Variants in HDAC9 observed in about 807,000 individuals in gnomAD.
HDAC9 encodes histone deacetylase 9.
Under a neutral mutation model 139.4 loss-of-function variants are expected in HDAC9, and 41 were observed. That is an observed-to-expected ratio of 0.29 (90% CI 0.23 to 0.38). The LOEUF (loss-of-function observed/expected upper bound fraction) is 0.38. HDAC9 is among the 10% of genes least tolerant of loss of function. HDAC9 has a pLI of 1.00. For synonymous variants in HDAC9, 517 were observed against 476.2 expected (o/e 1.09, Z -1.12); for missense variants, 1,147 against 1,297.0 (o/e 0.88, Z 1.78).
chr7:18,570,902 T>C (rs548728328), intron 2 of HDAC9, among the ~76,000 whole-genome samples: 4 of 152,382 alleles, frequency 2.6e-5, no homozygotes, highest in Admixed American at 2.6e-4. Flanking sequence ...ATGCTGTTAC[T>C]CTTTGTGCTT....
Position 18,552,371 on chromosome 7 carries a change from A to T in HDAC9, c.23-32910A>T, listed in dbSNP as rs900547209. ...ATATTGTCTTTTGCTTATATTCTGC[A>T]TTACAGGATTCTGAGTTTCCACTTA... On this transcript the variant is annotated intron_variant, in intron 2 of 25. Coordinates refer to ENST00000686413, the MANE Select transcript of HDAC9 (RefSeq NM_178425.4). 2.0e-5 allele frequency among the ~76,000 whole-genome samples: 3 copies of T among 152,132 alleles called. No individual in the cohort carries two copies. In the South Asian group the frequency reaches 6.2e-4, roughly 32 times the overall value.
intron 2 of HDAC9, 104 bp from the exon 3 acceptor site, chr7:18,585,177 T>A (rs2073974): frequency 7.9e-7 from 1 of 1,265,528 alleles, no homozygotes; most frequent in Non-Finnish European, 1.1e-6. Context: ...TAAAATTTGT[T>A]GTACAGGGTC....
intron 1 of HDAC9, among the ~76,000 whole-genome samples, chr7:18,464,559 T>C (rs1446947416): frequency 6.6e-6 from 1 of 152,042 alleles, no homozygotes; most frequent in Non-Finnish European, 1.5e-5. Flanking sequence ...TGTCAGATGT[T>C]CTATGTTAAA....
upstream of HDAC9, among the ~76,000 whole-genome samples, chr7:18,494,464 A>C (rs1350096908): frequency 6.6e-6 from 1 of 151,990 alleles, no homozygotes; most frequent in East Asian, 1.9e-4. Flanking sequence ...ATGCCTTAGA[A>C]TTACATTTTC....
chr7:18,739,848 T>C (rs1787283503), intron 13 of HDAC9, among the ~76,000 whole-genome samples: 1 of 152,256 alleles, frequency 6.6e-6, no homozygotes, highest in African/African-American at 2.4e-5. Context: ...CTGCTTCCTT[T>C]TGTTCAGCTA....
At chr7:18,947,097 CAT>C (rs1226657627) in intron 23 of HDAC9, among the ~76,000 whole-genome samples, 3 of 151,778 alleles carry the variant, frequency 2.0e-5, no homozygotes, top group African/African-American at 4.8e-5. Context: ...GAAAATATAA[CAT>C]GTGAAAACTT....
chr7:18,966,815 A>C (rs576013046), intron 24 of HDAC9, among the ~76,000 whole-genome samples: 146 of 152,298 alleles, frequency 9.6e-4, no homozygotes, highest in Non-Finnish European at 1.7e-3. Flanking sequence ...TCCATACAGC[A>C]TTTACACTCT....
At chr7:18,846,592 A>T (rs1279029740) in intron 21 of HDAC9, among the ~76,000 whole-genome samples, 2 of 152,234 alleles carry the variant, frequency 1.3e-5, no homozygotes, top group Non-Finnish European at 2.9e-5. Context: ...CAGAAGTACG[A>T]AGACTTATAA....
chr7:18,158,239 A>T (rs1787371120), intron 1 of HDAC9, among the ~76,000 whole-genome samples: 1 of 152,180 alleles, frequency 6.6e-6, no homozygotes, highest in Admixed American at 6.5e-5. Context: ...CAAAATGATT[A>T]TTGTGATGTT....
At chr7:18,899,442 T>C (rs1308798205) in intron 22 of HDAC9, 1 of 152,010 alleles carries the variant, frequency 6.6e-6, no homozygotes, top group Admixed American at 6.6e-5. Context: ...GGCTAGATCA[T>C]GTTAAAGATG....
chr7:18,216,817 T>C (rs1399746011), intron 2 of HDAC9, among the ~76,000 whole-genome samples: 1 of 152,182 alleles, frequency 6.6e-6, no homozygotes, highest in Non-Finnish European at 1.5e-5. Flanking sequence ...TTTCAGGTTT[T>C]AGTGTCAGGG....
Position 18,372,852 on chromosome 7 carries a change from A to G in HDAC9, c.-42+82337A>G, listed in dbSNP as rs192360250. ...TTGTAAAAAGGACAAGGCATTTGGT[A>G]CAGGCAAACAGAGGTATTAACCATA... On this transcript the variant is annotated intron_variant, in intron 1 of 3. Transcript: ENST00000413509. Among the ~76,000 whole-genome samples, 13 of 152,356 alleles carry G rather than the reference A, an allele frequency of 8.5e-5. No individual in the cohort carries two copies. In the East Asian group the frequency reaches 1.9e-3, roughly 23 times the overall value.
intron 1 of HDAC9, among the ~76,000 whole-genome samples, chr7:18,411,541 A>AT (rs555565931): frequency 3.3e-5 from 5 of 151,848 alleles, no homozygotes; most frequent in African/African-American, 1.2e-4. Flanking sequence ...CACCTGGCTA[A>AT]TTTTTTTGTA....
At chr7:18,730,617 C>G (rs1785960890) in intron 13 of HDAC9, among the ~76,000 whole-genome samples, 1 of 152,162 alleles carries the variant, frequency 6.6e-6, no homozygotes, top group Non-Finnish European at 1.5e-5. Flanking sequence ...TTCATGTCTT[C>G]CACCCATAAA....
At chr7:18,165,470 G>T (rs1340684358) in intron 2 of HDAC9, among the ~76,000 whole-genome samples, 2 of 152,068 alleles carry the variant, frequency 1.3e-5, no homozygotes, top group Non-Finnish European at 2.9e-5. Context: ...CAGTTATTTT[G>T]TTCTCTGATG....
chr7:18,884,434 C>T (rs1443818491), intron 22 of HDAC9, among the ~76,000 whole-genome samples: 1 of 152,090 alleles, frequency 6.6e-6, no homozygotes. Context: ...ATGGCGAGAA[C>T]ACTCCATGAG....
chr7:18,473,990 G>A (rs1386303819), intron 1 of HDAC9, among the ~76,000 whole-genome samples: 1 of 152,174 alleles, frequency 6.6e-6, no homozygotes, highest in Non-Finnish European at 1.5e-5. Context: ...AACTTGCCAA[G>A]CCCTTGTACT....
intron 1 of HDAC9, among the ~76,000 whole-genome samples, chr7:18,134,787 T>A (rs915410862): frequency 1.3e-5 from 2 of 152,152 alleles, no homozygotes; most frequent in African/African-American, 4.8e-5. Context: ...GGGAATTCTT[T>A]TCATCCAGGA....
chr7:18,818,063 G>A (rs1348080986), intron 17 of HDAC9, among the ~76,000 whole-genome samples: 5 of 152,248 alleles, frequency 3.3e-5, no homozygotes, highest in South Asian at 2.1e-4. Flanking sequence ...CATCGCATGC[G>A]AATTTTGAAT....
Sources: allele counts gnomAD v4.1 joint callset (sites outside exome capture counted in the v4.1 genomes callset), GRCh38; gene constraint gnomAD v4.1.1; transcripts MANE v1.5; gene names NCBI Gene and HGNC (gene_info 2026-07-23, HGNC 2026-07-21).